Variants in CDC5L observed in about 807,000 individuals in gnomAD.
The protein encoded by CDC5L is cell division cycle 5-like protein.
In CDC5L, 18 loss-of-function variants were observed where a neutral mutation model predicts 104.1. The observed-to-expected ratio is 0.17, with a 90% CI of 0.12 to 0.26. The LOEUF (loss-of-function observed/expected upper bound fraction) is 0.26, where lower values mean the gene tolerates loss of function less well. CDC5L is among the 10% of genes least tolerant of loss of function. CDC5L has a pLI of 1.00. For missense variants in CDC5L, 673 were observed against 956.9 expected, an observed-to-expected ratio of 0.70 and a Z score of 3.91; for synonymous variants, 331 against 322.7, an observed-to-expected ratio of 1.03 and a Z score of -0.28.
intron 5 of CDC5L, among the ~76,000 whole-genome samples, chr6:44,402,697 T>C (rs1439227826): frequency 6.6e-6 from 1 of 152,260 alleles, no homozygotes; most frequent in Non-Finnish European, 1.5e-5. Flanking sequence ...AATATTTTGA[T>C]GGACATCCTT....
intron 5 of CDC5L, among the ~76,000 whole-genome samples, chr6:44,399,656 GT>G (rs1175931449): frequency 6.6e-6 from 1 of 152,030 alleles, no homozygotes; most frequent in Non-Finnish European, 1.5e-5. Flanking sequence ...TTTGTACTTT[GT>G]TTTGTTTTGT....
intron 14 of CDC5L, among the ~76,000 whole-genome samples, chr6:44,441,929 G>GTTTTTTTT (rs1185055855): frequency 4.2e-4 from 46 of 110,648 alleles, no homozygotes; most frequent in South Asian, 9.8e-4. Flanking sequence ...GTAAGGTCTT[G>GTTTTTTTT]TTCTTTTTTT....
At position 44,446,012 on chromosome 6, in the gene CDC5L, C is replaced by G. The variant is rs1324693484; in HGVS notation, c.2304+145C>G. 4.5e-6 allele frequency: 3 copies of G among 662,508 alleles called. No individual in the cohort carries two copies. In the African/African-American group the frequency reaches 5.5e-5, roughly 12 times the overall value. The allele number at this position is 662,508 out of a possible 1,614,324, so 41.0% of individuals were successfully genotyped here. ...ATGAGAGCCTAAAGTGTTTGACTTT[C>G]TAATCTAGAATTGCCTCTGTGTAGA... On this transcript the variant is annotated intron_variant, in intron 15 of 15. Transcript: ENST00000371477.
intron 8 of CDC5L, among the ~76,000 whole-genome samples, chr6:44,412,806 G>A (rs1360518508): frequency 3.8e-5 from 4 of 105,856 alleles, no homozygotes; most frequent in South Asian, 3.1e-4. Context: ...TTTTTGAGAC[G>A]GAGTCTCGCT....
intron 9 of CDC5L, among the ~76,000 whole-genome samples, chr6:44,421,849 C>T (rs1438431536): frequency 6.6e-6 from 1 of 151,984 alleles, no homozygotes; most frequent in Non-Finnish European, 1.5e-5. Flanking sequence ...GAGTATTGGT[C>T]CTGGAACCAA....
At chr6:44,392,147 T>A (rs11571916) in intron 2 of CDC5L, among the ~76,000 whole-genome samples, 45 of 152,194 alleles carry the variant, frequency 3.0e-4, no homozygotes, top group African/African-American at 1.1e-3. Context: ...ATGGAAAAGG[T>A]GGGCTGGGTG....
Position 44,408,543 on chromosome 6 carries a change from A to G in CDC5L, c.1003A>G (p.Ser335Gly). The G allele has an allele frequency of 2.5e-6, 4 of 1,614,084 alleles. No individual in the cohort carries two copies. The highest frequency in any genetic ancestry group is 3.4e-6 in the Non-Finnish European group (4 of 1,179,932). The change falls in exon 8 of 16, where the codon AGT (serine) becomes GGT (glycine). Residue 335 changes from serine (S) to glycine (G), a missense_variant. Around this residue, in one of 4 missense-constraint regions of CDC5L, gnomAD observed 578 missense variants for 737.0 expected, o/e 0.78. Coordinates refer to ENST00000371477, the MANE Select transcript of CDC5L (RefSeq NM_001253.4). ...ATCTGGCATAACAAATTCTGCTTCC[A>G]GTACACTTTTGTCTGAGTACAATGT... Reference protein sequence around the residue: ...EESGITNSASSTLLSEYNVTN... With the variant: ...EESGITNSASGTLLSEYNVTN...
chr6:44,448,505 C>T lies in CDC5L; in HGVS notation c.*1794C>T, dbSNP rs1793534535. ...TCCAGACAAAAAAATAATAGTGATT[C>T]TAACTAGAGTCCAGGTAATAGTAGT... is the stretch of plus-strand genomic sequence containing the variant. On this transcript the variant is annotated 3_prime_UTR_variant, in exon 16 of 16. Transcript: ENST00000371477. The T allele has an allele frequency of 6.6e-6, 1 of 152,106 alleles. No individual in the cohort carries two copies. The highest frequency in any genetic ancestry group is 2.4e-5 in the African/African-American group (1 of 41,412). 9.4% of individuals were successfully genotyped at this position (152,106 alleles called of 1,614,324 possible). A position where few individuals can be genotyped will look rare whatever the true frequency, so the allele number is the denominator to read the frequency against.
intron 7 of CDC5L, 40 bp from the exon 8 acceptor site, chr6:44,408,404 A>G (rs992067727): frequency 6.7e-7 from 1 of 1,503,536 alleles, no homozygotes; most frequent in Non-Finnish European, 9.2e-7. Context: ...GCCCGGCCTC[A>G]GTTAAAATGT....
chr6:44,403,809 A>G lies in CDC5L; in HGVS notation c.540A>G (p.Arg180=), dbSNP rs1267635544. The change falls in exon 6 of 16, where the codon AGA becomes AGG. Residue 180 remains arginine, a splice_region_variant and synonymous_variant. Transcript: ENST00000371477. ...CAAAGTGATTTTGCATTCTTTTCAG[A>G]CGTCTTGCTGCCCTCCAAAAAAGAA... ...KAREKQLEEA[R]RLAALQKRRE... 2 of 1,599,864 alleles carry G rather than the reference A, an allele frequency of 1.3e-6. No homozygotes were observed. Among genetic ancestry groups the G allele is most frequent in the Non-Finnish European group, 1.7e-6 (2 of 1,175,412 alleles).
In CDC5L at chr6:44,403,901, A is replaced by G; in HGVS notation, c.632A>G (p.Asn211Ser). The G allele has an allele frequency of 6.2e-7, 1 of 1,613,556 alleles. No homozygotes were observed. Among genetic ancestry groups the G allele is most frequent in the Non-Finnish European group, 8.5e-7 (1 of 1,179,664 alleles). ...AAAAGGAAGAGAGGAGTTGATTATAATGCCGAAATCCCATTTGAAAAAAAG... is the reference window on the plus strand; with the variant it reads ...AAAAGGAAGAGAGGAGTTGATTATAGTGCCGAAATCCCATTTGAAAAAAAG... ...KRKRKRGVDY[N>S]AEIPFEKKPA... The change falls in exon 6 of 16, where the codon AAT (asparagine) becomes AGT (serine). Residue 211 changes from asparagine to serine, a missense_variant. Asn to Ser is a conservative substitution (Grantham distance 46). Coordinates refer to ENST00000371477, the MANE Select transcript of CDC5L (RefSeq NM_001253.4).
At chr6:44,395,437 T>A (rs1382498658) in intron 4 of CDC5L, among the ~76,000 whole-genome samples, 1 of 152,242 alleles carries the variant, frequency 6.6e-6, no homozygotes, top group African/African-American at 2.4e-5. Flanking sequence ...CTATTAGCTG[T>A]TTGACCTTAG....
At chr6:44,423,352 G>A (rs1447417568) in intron 10 of CDC5L, among the ~76,000 whole-genome samples, 1 of 152,178 alleles carries the variant, frequency 6.6e-6, no homozygotes, top group East Asian at 1.9e-4. Flanking sequence ...TGCATGCAGA[G>A]CATGCATTTG....
At position 44,445,674 on chromosome 6, in the gene CDC5L, C is replaced by T. The variant is rs1190308663; in HGVS notation, c.2111C>T (p.Thr704Met). Residue 704 changes from threonine (T) to methionine (M), a missense_variant, in exon 15 of 16, where the codon ACG becomes ATG. Around this residue, in one of 4 missense-constraint regions of CDC5L, gnomAD observed 578 missense variants for 737.0 expected, o/e 0.78. Coordinates refer to ENST00000371477, the MANE Select transcript of CDC5L (RefSeq NM_001253.4). Reference protein sequence around the residue: ...KRLEINRGHMTTEAKRAAKME... With the variant: ...KRLEINRGHMMTEAKRAAKME... ...CTCCAGATAAACAGGGGTCACATGA[C>T]GACAGAAGCCAAGAGGGCTGCAAAG... 5.6e-6 allele frequency: 9 copies of T among 1,613,472 alleles called. No individual in the cohort carries two copies. The highest frequency in any genetic ancestry group is 1.6e-4 in the Middle Eastern group (1 of 6,078).
At chr6:44,391,197 G>A (rs913375433) in intron 2 of CDC5L, among the ~76,000 whole-genome samples, 2 of 147,526 alleles carry the variant, frequency 1.4e-5, no homozygotes, top group Admixed American at 1.4e-4. Flanking sequence ...TATTTAATAT[G>A]TTATATATAT....
rs528435550 is a variant in CDC5L at position 44,445,496 on chromosome 6, T to C, written c.2092-159T>C. On this transcript the variant is annotated intron_variant, in intron 14 of 15. Transcript: ENST00000371477. ...ACCCTTTAGGTGCAAGATAAATCCT[T>C]CTTAAGCTTGATATTTTGTTACAGT... is the stretch of plus-strand genomic sequence containing the variant. 1.6e-3 allele frequency among the ~76,000 whole-genome samples: 244 copies of C among 152,340 alleles called. 1 individual carries two copies. Among genetic ancestry groups the C allele is most frequent in the African/African-American group, 5.7e-3 (236 of 41,574 alleles).
At chr6:44,427,495 TC>T (rs1411562078) in intron 13 of CDC5L, among the ~76,000 whole-genome samples, 3 of 152,224 alleles carry the variant, frequency 2.0e-5, no homozygotes, top group African/African-American at 7.2e-5. Flanking sequence ...TTACAAACTC[TC>T]CTGTCTTCTC....
intron 9 of CDC5L, among the ~76,000 whole-genome samples, chr6:44,421,220 A>G (rs1270906445): frequency 6.6e-6 from 1 of 152,230 alleles, no homozygotes; most frequent in Admixed American, 6.5e-5. Context: ...TGCAGGTAGC[A>G]GTTTGTTTGA....
intron 8 of CDC5L, among the ~76,000 whole-genome samples, chr6:44,415,054 T>G (rs1400288439): frequency 1.3e-5 from 2 of 152,196 alleles, no homozygotes; most frequent in South Asian, 2.1e-4. Flanking sequence ...CGTTGTATGT[T>G]CTTAGCAGCC....
Sources: gnomAD v4.1 joint callset for allele counts (sites outside exome capture counted in the v4.1 genomes callset) on GRCh38, gnomAD v4.1.1 for gene constraint, gnomAD v4.1.1 regional missense constraint, MANE v1.5 for transcripts, NCBI Gene and HGNC (gene_info 2026-07-23, HGNC 2026-07-21) for gene names.